The following RERG variants were observed in gnomAD, a reference collection of about 807,000 sequenced individuals.
RERG encodes ras-related and estrogen-regulated growth inhibitor.
A neutral mutation model predicts 23.2 loss-of-function variants in RERG; 25 were observed. That is an observed-to-expected ratio of 1.08 (90% CI 0.79 to 1.50). RERG has a LOEUF of 1.50. Ranked by LOEUF, RERG falls within the 40% of genes most tolerant of loss-of-function variation. The pLI is 0.00. For missense variants in RERG, 253 were observed against 250.1 expected (o/e 1.01, Z -0.08); for synonymous variants, 81 against 89.1 (o/e 0.91, Z 0.51).
chr12:15,153,072 C>T (rs16910652), intron 2 of RERG, among the ~76,000 whole-genome samples: 4,906 of 152,166 alleles, frequency 0.032, 111 homozygotes, highest in Middle Eastern at 0.061. Context: ...CATATTTACA[C>T]TTAGCAGAGA....
At chr12:15,145,276 C>T (rs1864312446) in intron 2 of RERG, among the ~76,000 whole-genome samples, 1 of 152,226 alleles carries the variant, frequency 6.6e-6, no homozygotes, top group African/African-American at 2.4e-5. Flanking sequence ...CTTATACCCC[C>T]TCCCTCTTAG....
chr12:15,198,582 G>C (rs1258532915), intron 2 of RERG, among the ~76,000 whole-genome samples: 3 of 152,098 alleles, frequency 2.0e-5, no homozygotes, highest in African/African-American at 7.2e-5. Flanking sequence ...TTATGTATAA[G>C]AATCCAAGTT....
chr12:15,115,785 C>CT (rs569763405), intron 3 of RERG, among the ~76,000 whole-genome samples: 3 of 152,224 alleles, frequency 2.0e-5, no homozygotes, highest in African/African-American at 7.2e-5. Context: ...TTTTCTGTTA[C>CT]TTTACTGTAA....
chr12:15,193,698 G>A lies in RERG; in HGVS notation c.61+23731C>T, dbSNP rs375025756. On this transcript the variant is annotated intron_variant, in intron 2 of 4. Transcript: ENST00000256953. ...ATGAACACATGACCATATAATATAG[G>A]AACAAGAGTGCTGTACTTAGAGCTG... 4.7e-4 allele frequency among the ~76,000 whole-genome samples: 72 copies of A among 152,234 alleles called. 1 individual carries two copies. Among genetic ancestry groups the A allele is most frequent in the African/African-American group, 1.7e-3 (72 of 41,548 alleles).
intron 2 of RERG, among the ~76,000 whole-genome samples, chr12:15,161,372 T>C (rs1864612989): frequency 6.6e-6 from 1 of 152,174 alleles, no homozygotes; most frequent in South Asian, 2.1e-4. Flanking sequence ...AGAATGTTTA[T>C]CTTCTCCTTA....
chr12:15,109,415 T>C lies in RERG; in HGVS notation c.295A>G (p.Lys99Glu). 6.2e-7 allele frequency: 1 copy of C among 1,614,062 alleles called. No individual in the cohort carries two copies. The highest frequency in any genetic ancestry group is 8.5e-7 in the Non-Finnish European group (1 of 1,179,992). ...RGSFEEVLPL[K>E]NILDEIKKPK... The stretch of plus-strand genomic sequence containing the variant: ...TTTTTGATCTCATCTAGGATGTTCT[T>C]AAGTGGCAGCACTTCCTCAAAACTT... The change falls in exon 5 of 5, where the codon AAG (lysine) becomes GAG (glutamate). Residue 99 changes from lysine to glutamate, a missense_variant. By Grantham distance (56) the Lys-to-Glu change is moderately conservative. Coordinates refer to ENST00000256953, the MANE Select transcript of RERG (RefSeq NM_032918.3).
intron 3 of RERG, among the ~76,000 whole-genome samples, chr12:15,115,682 G>C (rs1289911781): frequency 6.6e-6 from 1 of 152,152 alleles, no homozygotes; most frequent in Non-Finnish European, 1.5e-5. Context: ...GGGGTAGCCT[G>C]TAAGCCGGTG....
chr12:15,165,481 G>T (rs143759019), intron 2 of RERG, among the ~76,000 whole-genome samples: 2 of 152,326 alleles, frequency 1.3e-5, no homozygotes, highest in East Asian at 3.9e-4. Flanking sequence ...TCACAAATGG[G>T]TGATGTGGGA....
intron 2 of RERG, among the ~76,000 whole-genome samples, chr12:15,150,887 T>C (rs555979159): frequency 1.3e-5 from 2 of 152,348 alleles, no homozygotes; most frequent in African/African-American, 4.8e-5. Flanking sequence ...ACTCTAGGGT[T>C]AGGCTTTGAA....
chr12:15,147,615 A>G (rs1170716095), intron 2 of RERG, among the ~76,000 whole-genome samples: 3 of 152,220 alleles, frequency 2.0e-5, no homozygotes, highest in African/African-American at 7.2e-5. Context: ...AAATGTGACA[A>G]CTTGTTTAGG....
At position 15,186,157 on chromosome 12, in the gene RERG, A is replaced by G. The variant is rs562022029; in HGVS notation, c.61+31272T>C. Among the ~76,000 whole-genome samples, 5 of 152,080 alleles carry G rather than the reference A, an allele frequency of 3.3e-5. No individual in the cohort carries two copies. The East Asian group carries it at 9.6e-4, about 29-fold the overall frequency. The stretch of plus-strand genomic sequence containing the variant: ...GTCATGTTTTACCAAATCTTAGAGG[A>G]ATAGATAAGCTTTCTCTTATATACA... On this transcript the variant is annotated intron_variant, in intron 2 of 4. Coordinates refer to ENST00000256953, the MANE Select transcript of RERG (RefSeq NM_032918.3).
At chr12:15,121,252 A>G in intron 2 of RERG, 133 bp from the exon 3 acceptor site, 1 of 646,976 alleles carries the variant, frequency 1.5e-6, no homozygotes, top group South Asian at 2.3e-5. Context: ...TAAAACAAAT[A>G]AATTTTTTTA....
At chr12:15,196,601 G>T (rs910108103) in intron 2 of RERG, among the ~76,000 whole-genome samples, 18 of 152,090 alleles carry the variant, frequency 1.2e-4, no homozygotes, top group African/African-American at 4.3e-4. Flanking sequence ...TCAAACACAT[G>T]AATGAGAGAA....
At chr12:15,113,953 G>C (rs1013476083) in intron 3 of RERG, among the ~76,000 whole-genome samples, 2 of 151,876 alleles carry the variant, frequency 1.3e-5, no homozygotes, top group Admixed American at 1.3e-4. Flanking sequence ...ATTTACCAAG[G>C]CCTTAACAAT....
At chr12:15,185,493 G>C (rs1271931220) in intron 2 of RERG, among the ~76,000 whole-genome samples, 1 of 152,046 alleles carries the variant, frequency 6.6e-6, no homozygotes, top group Non-Finnish European at 1.5e-5. Context: ...CCTACCTCCC[G>C]CTAGGTGAAG....
chr12:15,149,606 G>A (rs973034786), intron 2 of RERG, among the ~76,000 whole-genome samples: 5 of 152,176 alleles, frequency 3.3e-5, no homozygotes, highest in Non-Finnish European at 7.3e-5. Flanking sequence ...ATAGAAGAGG[G>A]TGGAGACTTT....
In RERG at chr12:15,111,336, T is replaced by G. The variant is rs769825389; in HGVS notation, c.192+8A>C. Reference sequence around the variant, plus strand: ...CAGAAAAATATTTTAGCTGAACTCTTTATTCACCTGACCAGCAGTGTCTAG... The same window carrying G: ...CAGAAAAATATTTTAGCTGAACTCTGTATTCACCTGACCAGCAGTGTCTAG... On this transcript the variant is annotated splice_region_variant and intron_variant, in intron 4 of 4. Coordinates refer to ENST00000256953, the MANE Select transcript of RERG (RefSeq NM_032918.3). 2.9e-5 allele frequency: 46 copies of G among 1,597,752 alleles called. No individual in the cohort carries two copies. The highest frequency in any genetic ancestry group is 3.5e-5 in the Non-Finnish European group (41 of 1,167,684).
chr12:15,201,696 A>G (rs990058197), intron 2 of RERG, among the ~76,000 whole-genome samples: 4 of 150,262 alleles, frequency 2.7e-5, no homozygotes, highest in African/African-American at 4.9e-5. Context: ...ATAATTAGCT[A>G]ATATTAATTA....
intron 2 of RERG, among the ~76,000 whole-genome samples, chr12:15,133,888 C>T (rs1319816952): frequency 2.0e-5 from 3 of 152,066 alleles, no homozygotes; most frequent in Admixed American, 6.6e-5. Flanking sequence ...GTTTATTTGA[C>T]ATCTGTATAT....
Sources: gnomAD v4.1 joint callset for allele counts (sites outside exome capture counted in the v4.1 genomes callset) on GRCh38, gnomAD v4.1.1 for gene constraint, MANE v1.5 for transcripts, NCBI Gene and HGNC (gene_info 2026-07-23, HGNC 2026-07-21) for gene names.